LYST: variants seen among roughly 807,000 people sequenced by gnomAD.
LYST encodes the protein lysosomal-trafficking regulator.
A neutral mutation model predicts 413.6 loss-of-function variants in LYST; 192 were observed. That is an observed-to-expected ratio of 0.46 (90% CI 0.41 to 0.52). The LOEUF (loss-of-function observed/expected upper bound fraction) is 0.52, where lower values mean the gene tolerates loss of function less well. LYST is among the 20% of genes least tolerant of loss of function. The pLI is 0.00. For synonymous variants in LYST, 1,525 were observed against 1,567.3 expected (o/e 0.97, Z 0.64); for missense variants, 3,815 against 4,499.9 (o/e 0.85, Z 4.35).
Position 235,766,214 on chromosome 1 carries a change from T to C in LYST, c.5986A>G (p.Ile1996Val). ...GGAGGAGATCCAAGGACTTCTGCTA[T>C]AATTTTCACAAATGATCTACAAACC... ...REVCRSFVKI[I>V]AEVLGSPPDL... The change falls in exon 21 of 53, where the codon ATA (isoleucine) becomes GTA (valine). Residue 1996 changes from isoleucine to valine, a missense_variant. Physicochemically the swap from Ile to Val is conservative, Grantham distance 29. This residue lies in a region of LYST where 530 missense variants were observed against 696.5 expected (regional missense o/e 0.76). Transcript: ENST00000389793. 1 of 1,613,538 alleles carries C rather than the reference T, an allele frequency of 6.2e-7. No individual in the cohort carries two copies.
At chr1:235,881,488 G>A (rs781615913) in intron 1 of LYST, among the ~76,000 whole-genome samples, 3 of 152,156 alleles carry the variant, frequency 2.0e-5, no homozygotes, top group Non-Finnish European at 4.4e-5. Context: ...ATATCAAAGA[G>A]CGAAAGCAGG....
upstream of LYST, chr1:235,866,947 A>G (rs967439742): frequency 3.9e-5 from 3 of 77,208 alleles, no homozygotes; most frequent in Admixed American, 2.4e-4. Flanking sequence ...CCGCCCGCCC[A>G]GGTAACCCAG....
At chr1:235,781,145 G>C in intron 15 of LYST, 90 bp from the exon 16 acceptor site, 1 of 831,320 alleles carries the variant, frequency 1.2e-6, no homozygotes, top group Non-Finnish European at 2.0e-6. Flanking sequence ...ATTTTTTGTA[G>C]CCAGATTCTT....
intron 10 of LYST, among the ~76,000 whole-genome samples, chr1:235,793,867 C>T (rs1671286378): frequency 6.6e-6 from 1 of 152,062 alleles, no homozygotes. Context: ...GAGGCTCGCT[C>T]TGTCACCCAG....
chr1:235,830,174 C>T (rs370862845), intron 3 of LYST, 52 bp downstream of exon 3: 13 of 1,347,480 alleles, frequency 9.6e-6, no homozygotes, highest in South Asian at 1.2e-5. Context: ...CATGTAGCTA[C>T]AGTTAACTAT....
At chr1:235,733,960 C>G (rs1664603529) in intron 32 of LYST, 54 bp from the exon 33 acceptor site, 1 of 898,528 alleles carries the variant, frequency 1.1e-6, no homozygotes, top group South Asian at 1.8e-5. Context: ...TCTCACCTAA[C>G]ATTGTCACAG....
intron 3 of LYST, among the ~76,000 whole-genome samples, chr1:235,822,615 G>A (rs768195022): frequency 1.3e-4 from 20 of 152,196 alleles, no homozygotes; most frequent in Non-Finnish European, 2.1e-4. Flanking sequence ...GAGGCGTAGA[G>A]GGGAGTGAGT....
At chr1:235,743,240 T>C (rs1021138352) in intron 30 of LYST, among the ~76,000 whole-genome samples, 1 of 152,182 alleles carries the variant, frequency 6.6e-6, no homozygotes, top group East Asian at 1.9e-4. Context: ...GGTTCAAAAC[T>C]GGAAGCAGTA....
In LYST at chr1:235,729,671, T is replaced by C; in HGVS notation, c.9045-14A>G. 6.4e-7 allele frequency: 1 copy of C among 1,574,028 alleles called. No individual in the cohort carries two copies. The highest frequency in any genetic ancestry group is 8.7e-7 in the Non-Finnish European group (1 of 1,143,840). On this transcript the variant is annotated splice_polypyrimidine_tract_variant and intron_variant, in intron 36 of 52. Transcript: ENST00000389793. ...CTTCGATTCACTCTGTCAAAACATA[T>C]TTAAAATTACTATGACTAAATGTTC...
At chr1:235,814,963 C>T (rs1181766706) in intron 3 of LYST, among the ~76,000 whole-genome samples, 1 of 152,174 alleles carries the variant, frequency 6.6e-6, no homozygotes, top group Admixed American at 6.5e-5. Context: ...AGGTCTTCCT[C>T]ACATACACTG....
In LYST at chr1:235,674,638, T is replaced by C. The variant is rs570029997; in HGVS notation, c.11038+2453A>G. On this transcript the variant is annotated intron_variant, in intron 50 of 52. Coordinates refer to ENST00000389793, the MANE Select transcript of LYST (RefSeq NM_000081.4). The surrounding 1 kb of genome is among the most constrained non-coding windows in gnomAD (Gnocchi z 4.1). ...TATACTAGGGATGCCATTAAAGGAATAGCTGAACAATTAGGTCCTACCAGT... is the reference window on the plus strand; with the variant it reads ...TATACTAGGGATGCCATTAAAGGAACAGCTGAACAATTAGGTCCTACCAGT... Among the ~76,000 whole-genome samples, 11 of 152,192 alleles carry C rather than the reference T, an allele frequency of 7.2e-5. No individual in the cohort carries two copies. The highest frequency in any genetic ancestry group is 1.2e-4 in the African/African-American group (5 of 41,446).
chr1:235,775,751 C>A (rs1669169640), intron 17 of LYST, among the ~76,000 whole-genome samples: 1 of 151,822 alleles, frequency 6.6e-6, no homozygotes, highest in South Asian at 2.1e-4. Context: ...CAGGGCACAG[C>A]CAGGGGAAGG....
At chr1:235,798,565 C>A in intron 10 of LYST, among the ~76,000 whole-genome samples, 1 of 67,702 alleles carries the variant, frequency 1.5e-5, no homozygotes, top group African/African-American at 5.3e-5. Flanking sequence ...GCGACAAGGG[C>A]AAAACCCTGT....
chr1:235,876,724 T>C (rs977664606), intron 1 of LYST, among the ~76,000 whole-genome samples: 2 of 152,244 alleles, frequency 1.3e-5, no homozygotes, highest in African/African-American at 2.4e-5. Flanking sequence ...AAAAATGACA[T>C]AATCATTTGC....
At chr1:235,676,962 A>G (rs1236238859) in intron 50 of LYST, 129 bp downstream of exon 50, 2 of 737,808 alleles carry the variant, frequency 2.7e-6, no homozygotes, top group Non-Finnish European at 5.1e-6. Context: ...CTATACACAT[A>G]CATGCTGTTA....
chr1:235,752,897 T>C, intron 26 of LYST, 147 bp downstream of exon 26: 1 of 514,068 alleles, frequency 1.9e-6, no homozygotes, highest in South Asian at 2.9e-5. Flanking sequence ...CTGTTATTAT[T>C]ATTTTTTTAC....
intron 47 of LYST, among the ~76,000 whole-genome samples, chr1:235,691,490 T>C (rs1381125121): frequency 1.3e-5 from 2 of 152,178 alleles, no homozygotes; most frequent in Admixed American, 1.3e-4. Context: ...GATGGCACTA[T>C]GGTTACAGAA....
At chr1:235,850,794 T>C (rs1206717991) in intron 1 of LYST, among the ~76,000 whole-genome samples, 1 of 152,108 alleles carries the variant, frequency 6.6e-6, no homozygotes, top group African/African-American at 2.4e-5. Flanking sequence ...TCACTAATGA[T>C]CAGGGGAATG....
Position 235,664,337 on chromosome 1 carries a change from T to C in LYST, c.11195+128A>G, listed in dbSNP as rs1658260920. 1.2e-6 allele frequency: 1 copy of C among 861,754 alleles called. No individual in the cohort carries two copies. The highest frequency in any genetic ancestry group is 1.8e-6 in the Non-Finnish European group (1 of 550,168). 53.4% of individuals were successfully genotyped at this position (861,754 alleles called of 1,614,324 possible). ...ATAAAACAGGAATAACTAAAGAACC[T>C]ACACCCCAAGGTGAGTTTAAATCTC... On this transcript the variant is annotated intron_variant, in intron 51 of 52. Coordinates refer to ENST00000389793, the MANE Select transcript of LYST (RefSeq NM_000081.4). The surrounding 1 kb of genome is among the most constrained non-coding windows in gnomAD (Gnocchi z 4.5).
Sources: gnomAD v4.1 joint callset for allele counts (sites outside exome capture counted in the v4.1 genomes callset) on GRCh38, gnomAD v4.1.1 for gene constraint, gnomAD v4.1.1 regional missense constraint, Gnocchi (gnomAD v3.1) non-coding constraint, MANE v1.5 for transcripts, NCBI Gene and HGNC (gene_info 2026-07-23, HGNC 2026-07-21) for gene names.